Variants in DEFB109B observed in about 807,000 individuals in gnomAD.
DEFB109B encodes the protein defensin beta 109B, also known as beta-defensin 109B.
At chr8:7,316,815 T>A (rs1181860965) in intron 1 of DEFB109B, among the ~76,000 whole-genome samples, 2 of 101,176 alleles carry the variant, frequency 2.0e-5, no homozygotes, top group African/African-American at 6.1e-5. Flanking sequence ...ATATATACAT[T>A]TTTTTTTAGT....
At chr8:7,315,600 G>T (rs942219361) in intron 1 of DEFB109B, among the ~76,000 whole-genome samples, 4 of 132,224 alleles carry the variant, frequency 3.0e-5, no homozygotes, top group Non-Finnish European at 6.0e-5. Context: ...GTGTGTTTGG[G>T]CCCCTACTGA....
chr8:7,315,466 T>C (rs1386297712), intron 1 of DEFB109B, among the ~76,000 whole-genome samples: 1 of 133,824 alleles, frequency 7.5e-6, no homozygotes, highest in African/African-American at 3.7e-5. Context: ...GCCATTGCAC[T>C]CTAGCCTGGG....
chr8:7,312,529 A>G (rs546830986), upstream of DEFB109B, among the ~76,000 whole-genome samples: 96 of 145,628 alleles, frequency 6.6e-4, no homozygotes, highest in East Asian at 0.014. Context: ...CCTGGCAAAC[A>G]ATAGATGTAT....
chr8:7,317,279 C>T lies in DEFB109B; in HGVS notation n.59-2467C>T, dbSNP rs1332544784. Among the ~76,000 whole-genome samples, 37 of 144,212 alleles carry T rather than the reference C, an allele frequency of 2.6e-4. No individual in the cohort carries two copies. In the South Asian group the frequency reaches 5.5e-3, roughly 21 times the overall value. The allele number at this position is 144,212 out of a possible 152,430, so 94.6% of individuals were successfully genotyped here. ...CTCAATATAGAAGTTCCAGGATTAACGAACTGGAATTTCTGATGGCCCAAG... is the reference window on the plus strand; with the variant it reads ...CTCAATATAGAAGTTCCAGGATTAATGAACTGGAATTTCTGATGGCCCAAG... On this transcript the variant is annotated intron_variant and non_coding_transcript_variant, in intron 1 of 1. Coordinates refer to ENST00000382656, the Ensembl canonical transcript of DEFB109B.
rs1369441168 is a variant in DEFB109B, at chr8:7,319,681, A to G, written n.59-65A>G. 2 of 147,484 alleles carry G rather than the reference A, an allele frequency of 1.4e-5. 1 individual carries two copies. Among genetic ancestry groups the G allele is most frequent in the African/African-American group, 5.6e-5 (2 of 35,566 alleles). 9.1% of individuals were successfully genotyped at this position (147,484 alleles called of 1,614,324 possible). On this transcript the variant is annotated intron_variant and non_coding_transcript_variant, in intron 1 of 1. Transcript: ENST00000382656. The stretch of plus-strand genomic sequence containing the variant: ...CATACTAAATTTATTCTGTTACTTA[A>G]GAGTGTTTATGGATTTACATTCCAT...
At chr8:7,319,339 C>T (rs1278097132) in intron 1 of DEFB109B, 1 of 144,286 alleles carries the variant, frequency 6.9e-6, no homozygotes, top group Non-Finnish European at 1.5e-5. Context: ...ATGCCAGAAA[C>T]ATCTTTTTTG....
upstream of DEFB109B, among the ~76,000 whole-genome samples, chr8:7,309,712 A>G (rs1221065409): frequency 5.5e-5 from 8 of 145,150 alleles, no homozygotes; most frequent in African/African-American, 2.0e-4. Context: ...ATGATCAGGC[A>G]TCCTAAGTAG....
intron 1 of DEFB109B, among the ~76,000 whole-genome samples, chr8:7,316,912 A>G (rs1445804001): frequency 7.9e-6 from 1 of 126,322 alleles, no homozygotes; most frequent in African/African-American, 4.1e-5. Flanking sequence ...AAGTGCTGCA[A>G]TTACAGGCAT....
At chr8:7,317,478 A>G (rs1236240651) in intron 1 of DEFB109B, among the ~76,000 whole-genome samples, 3,530 of 108,142 alleles carry the variant, frequency 0.033, 5 homozygotes, top group African/African-American at 0.084. Flanking sequence ...TTGCCTAACC[A>G]TTTTCAAGAA....
upstream of DEFB109B, among the ~76,000 whole-genome samples, chr8:7,312,291 A>G (rs1340154437): frequency 2.2e-5 from 3 of 139,130 alleles, no homozygotes; most frequent in South Asian, 4.2e-4. Context: ...AGTTAACAAT[A>G]AGGTATTTTG....
In DEFB109B at chr8:7,315,286, G is replaced by T. The variant is rs548633162; in HGVS notation, n.58+2383G>T. Among the ~76,000 whole-genome samples the T allele has an allele frequency of 2.9e-3, 374 of 129,052 alleles. 13 individuals carry two copies. The highest frequency in any genetic ancestry group is 0.015 in the African/African-American group (352 of 23,530). 84.7% of individuals were successfully genotyped at this position (129,052 alleles called of 152,430 possible). On this transcript the variant is annotated intron_variant and non_coding_transcript_variant, in intron 1 of 1. Transcript: ENST00000382656. ...TAATCCCAGCACTTTGGGAGGCCGAGGCCGGCAGATCACGAGGTCAGTGGC... is the reference window on the plus strand; with the variant it reads ...TAATCCCAGCACTTTGGGAGGCCGATGCCGGCAGATCACGAGGTCAGTGGC...
intron 1 of DEFB109B, among the ~76,000 whole-genome samples, chr8:7,317,441 G>A (rs981542003): frequency 5.4e-5 from 8 of 147,064 alleles, no homozygotes; most frequent in Non-Finnish European, 8.8e-5. Flanking sequence ...CTGTTTTTGT[G>A]TTTGAAAGAG....
upstream of DEFB109B, among the ~76,000 whole-genome samples, chr8:7,312,451 G>T (rs2128804945): frequency 7.0e-6 from 1 of 142,482 alleles, no homozygotes; most frequent in East Asian, 2.0e-4. Flanking sequence ...GTGCAAACTT[G>T]CCAAACTATA....
At chr8:7,319,442 C>T (rs1803174164) in intron 1 of DEFB109B, 1 of 142,360 alleles carries the variant, frequency 7.0e-6, no homozygotes, top group Admixed American at 6.8e-5. Flanking sequence ...AAGACACTGG[C>T]ATTTTTTGCC....
upstream of DEFB109B, among the ~76,000 whole-genome samples, chr8:7,310,581 CTGTGTGTG>C (rs373636252): frequency 7.6e-6 from 1 of 131,964 alleles, no homozygotes; most frequent in African/African-American, 3.7e-5. Flanking sequence ...TTAGGTAATA[CTGTGTGTG>C]TGTGTGTGTG....
chr8:7,310,482 GT>G (rs1262787701), upstream of DEFB109B, among the ~76,000 whole-genome samples: 4 of 121,278 alleles, frequency 3.3e-5, no homozygotes, highest in Non-Finnish European at 6.3e-5. Context: ...ATTGTTGGTG[GT>G]GACTTTGGAA....
chr8:7,309,574 G>C (rs1397231122), upstream of DEFB109B, among the ~76,000 whole-genome samples: 2 of 147,766 alleles, frequency 1.4e-5, no homozygotes, highest in South Asian at 4.2e-4. Flanking sequence ...ACAATGACCA[G>C]ATATGACCCT....
In DEFB109B at chr8:7,319,163, T is replaced by G. The variant is rs1178699378; in HGVS notation, n.59-583T>G. ...AAGAAAAAAAATATATAGATAGTTATGTACAAACCAAAATAGCACTGGGAG... is the reference window on the plus strand; with the variant it reads ...AAGAAAAAAAATATATAGATAGTTAGGTACAAACCAAAATAGCACTGGGAG... On this transcript the variant is annotated intron_variant and non_coding_transcript_variant, in intron 1 of 1. Coordinates refer to ENST00000382656, the Ensembl canonical transcript of DEFB109B. 7.0e-5 allele frequency: 9 copies of G among 127,686 alleles called. No homozygotes were observed. In the East Asian group the frequency reaches 1.9e-3, roughly 27 times the overall value. 7.9% of individuals were successfully genotyped at this position (127,686 alleles called of 1,614,324 possible).
upstream of DEFB109B, among the ~76,000 whole-genome samples, chr8:7,310,608 T>A (rs548139297): frequency 7.0e-6 from 1 of 143,658 alleles, no homozygotes; most frequent in East Asian, 1.9e-4. Flanking sequence ...TGTGTGTGCA[T>A]GTGCGTGCCT....
Sources: allele counts gnomAD v4.1 joint callset (sites outside exome capture counted in the v4.1 genomes callset), GRCh38; gene constraint gnomAD v4.1.1; transcripts MANE v1.5; gene names NCBI Gene and HGNC (gene_info 2026-07-23, HGNC 2026-07-21).